NHSL3: variants seen among roughly 807,000 people sequenced by gnomAD.
NHSL3 encodes NHS like 3, also known as NHS-like protein 3.
the NHSL3 span, among the ~76,000 whole-genome samples, chr1:32,753,850 CG>C: frequency 6.6e-6 from 1 of 152,162 alleles, no homozygotes; most frequent in African/African-American, 2.4e-5. Context: ...GCGGCTCAGC[CG>C]GTCTCCCAGG....
the NHSL3 span, chr1:32,774,024 G>C: frequency 6.5e-6 from 1 of 152,676 alleles, no homozygotes; most frequent in Non-Finnish European, 1.5e-5. Flanking sequence ...TCTAGGGCAG[G>C]CTGGGTGGTG....
chr1:32,752,946 C>CAT, the NHSL3 span, among the ~76,000 whole-genome samples: 1 of 24,126 alleles, frequency 4.1e-5, no homozygotes, highest in Non-Finnish European at 8.1e-5. Context: ...CACACACACA[C>CAT]ACACATATAT....
chr1:32,763,008 T>C, the NHSL3 span, among the ~76,000 whole-genome samples: 1 of 129,700 alleles, frequency 7.7e-6, no homozygotes, highest in Non-Finnish European at 1.6e-5. Flanking sequence ...TGAGACGGAG[T>C]CTCTCTCTGT....
At chr1:32,770,190 C>T in the NHSL3 span, 1 of 1,603,970 alleles carries the variant, frequency 6.2e-7, no homozygotes. The surrounding 1 kb of genome is among the most constrained non-coding windows in gnomAD (Gnocchi z 8.3). Flanking sequence ...CTGCAGAGCC[C>T]CTGAGCCCGG....
chr1:32,771,977 C>G, the NHSL3 span: 3 of 1,605,832 alleles, frequency 1.9e-6, no homozygotes, highest in Non-Finnish European at 2.6e-6. Flanking sequence ...CTCCATGCTG[C>G]GGTCCGACTC....
the NHSL3 span, among the ~76,000 whole-genome samples, chr1:32,752,158 C>T: frequency 1.3e-5 from 2 of 152,126 alleles, no homozygotes; most frequent in African/African-American, 4.8e-5. Context: ...ACAGTGTATG[C>T]TCAATGAATA....
chr1:32,770,038 G>A, the NHSL3 span: 1 of 1,585,408 alleles, frequency 6.3e-7, no homozygotes, highest in Non-Finnish European at 8.6e-7. This position sits in a 1 kb window ranked among gnomAD's most constrained non-coding sequence, Gnocchi z 8.3. Flanking sequence ...GGCTGGCGCT[G>A]AGACAGAGGC....
At chr1:32,746,155 C>T in the NHSL3 span, among the ~76,000 whole-genome samples, 6 of 147,590 alleles carry the variant, frequency 4.1e-5, no homozygotes, top group East Asian at 2.0e-4. Flanking sequence ...GGAGTGAACC[C>T]GGGAGGCGGA....
chr1:32,767,712 C>A, the NHSL3 span: 21 of 1,341,150 alleles, frequency 1.6e-5, no homozygotes, highest in Non-Finnish European at 2.1e-5. Flanking sequence ...CCATGACTGC[C>A]CTTGCCGTGA....
chr1:32,756,657 CAAAAAAAAA>C, the NHSL3 span, among the ~76,000 whole-genome samples: 1 of 49,958 alleles, frequency 2.0e-5, no homozygotes, highest in Non-Finnish European at 3.6e-5. Context: ...ACCCTGTCTC[CAAAAAAAAA>C]AAAAAAAAAA....
the NHSL3 span, among the ~76,000 whole-genome samples, chr1:32,761,339 G>A: frequency 6.6e-5 from 10 of 152,144 alleles, no homozygotes; most frequent in African/African-American, 2.2e-4. Context: ...GAGAGGCTGC[G>A]AGCTCTGACT....
the NHSL3 span, among the ~76,000 whole-genome samples, chr1:32,766,261 GAGA>G: frequency 2.0e-5 from 3 of 152,262 alleles, no homozygotes; most frequent in Middle Eastern, 3.4e-3. Context: ...CCTGGGAATG[GAGA>G]AGTTTTGGAG....
the NHSL3 span, among the ~76,000 whole-genome samples, chr1:32,746,137 A>G: frequency 6.6e-6 from 1 of 151,228 alleles, no homozygotes; most frequent in Admixed American, 6.6e-5. Flanking sequence ...AGGCTGAGGC[A>G]GGAGAATGGA....
chr1:32,770,820 A>T, the NHSL3 span: 5 of 1,602,372 alleles, frequency 3.1e-6, no homozygotes, highest in Non-Finnish European at 4.3e-6. The surrounding 1 kb of genome is among the most constrained non-coding windows in gnomAD (Gnocchi z 8.3). Context: ...GGGCGGGGGC[A>T]GCACCCTGTC....
the NHSL3 span, among the ~76,000 whole-genome samples, chr1:32,750,160 G>A: frequency 6.6e-6 from 1 of 152,188 alleles, no homozygotes; most frequent in Non-Finnish European, 1.5e-5. Context: ...CAGACTTGGG[G>A]AAGTCAGCCA....
chr1:32,743,031 C>T, the NHSL3 span, among the ~76,000 whole-genome samples: 27 of 152,350 alleles, frequency 1.8e-4, no homozygotes, highest in African/African-American at 6.0e-4. Context: ...GCGGGGAAGC[C>T]GACCTGGCCC....
At chr1:32,743,935 G>A in the NHSL3 span, among the ~76,000 whole-genome samples, 1 of 152,222 alleles carries the variant, frequency 6.6e-6, no homozygotes, top group African/African-American at 2.4e-5. Flanking sequence ...AGGAAGTCCT[G>A]TTCCCTTTTA....
At chr1:32,742,315 G>T in the NHSL3 span, 1 of 935,620 alleles carries the variant, frequency 1.1e-6, no homozygotes, top group Non-Finnish European at 1.4e-6. Context: ...GCTGGAAAGC[G>T]AAGAGGCCAG....
chr1:32,771,078 A>C, the NHSL3 span: 1 of 1,611,492 alleles, frequency 6.2e-7, no homozygotes, highest in Non-Finnish European at 8.5e-7. Flanking sequence ...TCACGTCTTT[A>C]TGTTCCTCCT....
Sources: allele counts gnomAD v4.1 joint callset (sites outside exome capture counted in the v4.1 genomes callset), GRCh38; gene constraint gnomAD v4.1.1; non-coding constraint Gnocchi (gnomAD v3.1); transcripts MANE v1.5; gene names NCBI Gene and HGNC (gene_info 2026-07-23, HGNC 2026-07-21).